Variants in ESR2 observed in about 807,000 individuals in gnomAD.
The protein encoded by ESR2 is estrogen receptor 2, also known as estrogen receptor beta.
Under a neutral mutation model 49.6 loss-of-function variants are expected in ESR2, and 36 were observed. The ratio of observed to expected loss-of-function variants is 0.73; its 90% confidence interval spans 0.56 to 0.96. The LOEUF (loss-of-function observed/expected upper bound fraction) is 0.96, where lower values mean the gene tolerates loss of function less well. Ranked by LOEUF, ESR2 falls within the 40% of genes least tolerant of loss-of-function variation. The pLI is 0.00. For synonymous variants in ESR2, 320 were observed against 266.1 expected (o/e 1.20, Z -1.97); for missense variants, 714 against 693.0 (o/e 1.03, Z -0.34).
chr14:64,270,603 C>T (rs537123440), intron 3 of ESR2, among the ~76,000 whole-genome samples: 1 of 152,216 alleles, frequency 6.6e-6, no homozygotes, highest in Admixed American at 6.5e-5. Flanking sequence ...CTCTGCCCCC[C>T]GGGTTCAAGT....
intron 1 of ESR2, among the ~76,000 whole-genome samples, chr14:64,324,928 G>T (rs745696623): frequency 2.6e-5 from 4 of 152,168 alleles, no homozygotes; most frequent in Non-Finnish European, 4.4e-5. Context: ...AAAAATTATA[G>T]ACTTCTGTTA....
At chr14:64,275,198 A>C (rs1458807622) in intron 3 of ESR2, among the ~76,000 whole-genome samples, 1 of 152,184 alleles carries the variant, frequency 6.6e-6, no homozygotes, top group Non-Finnish European at 1.5e-5. Context: ...TGGAGTGTTA[A>C]AGTGTCCAGC....
chr14:64,326,199 C>T (rs1455808080), intron 1 of ESR2, among the ~76,000 whole-genome samples: 5 of 152,080 alleles, frequency 3.3e-5, no homozygotes, highest in African/African-American at 1.2e-4. Context: ...ATTTTACTTC[C>T]TCAGCAATAT....
At chr14:64,278,677 A>G (rs918784305) in intron 3 of ESR2, among the ~76,000 whole-genome samples, 1 of 152,214 alleles carries the variant, frequency 6.6e-6, no homozygotes, top group African/African-American at 2.4e-5. Context: ...AGTAAGCAAG[A>G]AAGTGACTTC....
At chr14:64,243,943 C>T (rs915961982) in intron 7 of ESR2, among the ~76,000 whole-genome samples, 1 of 152,196 alleles carries the variant, frequency 6.6e-6, no homozygotes, top group South Asian at 2.1e-4. Flanking sequence ...GTCCTAGCTG[C>T]CTTGCTACCA....
chr14:64,240,933 A>C (rs1046606400), intron 7 of ESR2, among the ~76,000 whole-genome samples: 6 of 151,874 alleles, frequency 4.0e-5, no homozygotes, highest in Non-Finnish European at 7.4e-5. Flanking sequence ...TCACGAGATC[A>C]GGAGATCGAG....
intron 1 of ESR2, among the ~76,000 whole-genome samples, chr14:64,318,537 C>CAAAAAAAAAA (rs58597271): frequency 8.6e-4 from 28 of 32,422 alleles, no homozygotes; most frequent in Non-Finnish European, 1.5e-3. Flanking sequence ...AACTCCATCT[C>CAAAAAAAAAA]AAAAAAAAAA....
intron 1 of ESR2, among the ~76,000 whole-genome samples, chr14:64,311,580 T>C (rs887715590): frequency 6.7e-6 from 1 of 149,106 alleles, no homozygotes; most frequent in African/African-American, 2.5e-5. Flanking sequence ...GAGGCAGAGG[T>C]TGCAGTGAGC....
At chr14:64,308,363 A>G (rs2077138371) in intron 1 of ESR2, among the ~76,000 whole-genome samples, 1 of 152,112 alleles carries the variant, frequency 6.6e-6, no homozygotes, top group Non-Finnish European at 1.5e-5. Flanking sequence ...CTCTAGCACT[A>G]TTTTATTGTA....
intron 8 of ESR2, chr14:64,234,054 G>C (rs190170221): frequency 6.6e-6 from 1 of 152,264 alleles, no homozygotes; most frequent in Non-Finnish European, 1.5e-5. Flanking sequence ...CTGCCACTCT[G>C]TTCATGACCT....
chr14:64,272,417 C>G (rs1165712941), intron 3 of ESR2, among the ~76,000 whole-genome samples: 1 of 152,288 alleles, frequency 6.6e-6, no homozygotes, highest in East Asian at 1.9e-4. Flanking sequence ...CATTTGTCCA[C>G]TTTTACTTTG....
rs2098725703 is a variant in ESR2, at chr14:64,229,989, G to A, written c.*3148C>T. Among the ~76,000 whole-genome samples, 1 of 152,012 alleles carries A rather than the reference G, an allele frequency of 6.6e-6. No individual in the cohort carries two copies. Among genetic ancestry groups the A allele is most frequent in the African/African-American group, 2.4e-5 (1 of 41,386 alleles). On this transcript the variant is annotated 3_prime_UTR_variant, in exon 9 of 9. Transcript: ENST00000341099. Reference sequence around the variant, plus strand: ...AGCCCAGGAGTTCAGGACCAGCCTGGGGAGCATAGTAAAACCCCATCTCTA... The same window carrying A: ...AGCCCAGGAGTTCAGGACCAGCCTGAGGAGCATAGTAAAACCCCATCTCTA...
chr14:64,305,134 C>CA (rs1190477267), intron 1 of ESR2, among the ~76,000 whole-genome samples: 4 of 149,958 alleles, frequency 2.7e-5, no homozygotes, highest in East Asian at 2.0e-4. Context: ...ACTAAAAATA[C>CA]AAAAAAATTA....
downstream of ESR2, chr14:64,227,401 A>G: frequency 9.6e-7 from 1 of 1,037,802 alleles, no homozygotes; most frequent in Non-Finnish European, 1.4e-6. Flanking sequence ...TTTTAACCAC[A>G]TAACTAACTT....
At chr14:64,242,405 C>CAA (rs34136916) in intron 7 of ESR2, among the ~76,000 whole-genome samples, 13 of 126,226 alleles carry the variant, frequency 1.0e-4, no homozygotes, top group South Asian at 2.5e-4. Context: ...GAGACTGTCT[C>CAA]AAAAAAAAAA....
At chr14:64,297,957 G>A (rs144276911), upstream of ESR2, among the ~76,000 whole-genome samples, 1 of 152,102 alleles carries the variant, frequency 6.6e-6, no homozygotes, top group Non-Finnish European at 1.5e-5. Flanking sequence ...GAATCTGAGA[G>A]ATAAAACCCT....
chr14:64,229,397 G>A lies in ESR2; in HGVS notation c.*3740C>T, dbSNP rs1467274887. On this transcript the variant is annotated 3_prime_UTR_variant, in exon 9 of 9. Transcript: ENST00000341099. ...AGTAGTTTTATGACCTTGAATAGGT[G>A]AATTTGCCCCCGTGGGCTTTAATTT... Among the ~76,000 whole-genome samples the A allele has an allele frequency of 1.3e-5, 2 of 152,120 alleles. No individual in the cohort carries two copies. Among genetic ancestry groups the A allele is most frequent in the Non-Finnish European group, 2.9e-5 (2 of 68,030 alleles).
chr14:64,245,768 G>A (rs1452041742), intron 7 of ESR2, among the ~76,000 whole-genome samples: 1 of 152,162 alleles, frequency 6.6e-6, no homozygotes, highest in Non-Finnish European at 1.5e-5. Flanking sequence ...AAGGAGCCTT[G>A]CCAAACAGAA....
At chr14:64,321,881 T>C (rs778482012) in intron 1 of ESR2, among the ~76,000 whole-genome samples, 19 of 151,644 alleles carry the variant, frequency 1.3e-4, no homozygotes, top group Non-Finnish European at 2.5e-4. Flanking sequence ...AACATAAAGG[T>C]GGGAACAATA....
Sources: allele counts gnomAD v4.1 joint callset (sites outside exome capture counted in the v4.1 genomes callset), GRCh38; gene constraint gnomAD v4.1.1; transcripts MANE v1.5; gene names NCBI Gene and HGNC (gene_info 2026-07-23, HGNC 2026-07-21).